RAB11FIP3: variants seen among roughly 807,000 people sequenced by gnomAD.
RAB11FIP3 encodes the protein RAB11 family interacting protein 3, also known as rab11 family-interacting protein 3.
A neutral mutation model predicts 77.8 loss-of-function variants in RAB11FIP3; 17 were observed. The ratio of observed to expected loss-of-function variants is 0.22; its 90% CI spans 0.15 to 0.33. The LOEUF (loss-of-function observed/expected upper bound fraction) is 0.33, where lower values mean the gene tolerates loss of function less well. Among genes scored for constraint, RAB11FIP3 ranks in the 10% least tolerant of loss-of-function variants. The pLI is 1.00. For missense variants in RAB11FIP3, 1,005 were observed against 1,011.2 expected (o/e 0.99, Z 0.08); for synonymous variants, 437 against 448.2 (o/e 0.98, Z 0.31).
In RAB11FIP3 at chr16:461,609, C is replaced by T. The variant is rs1008837358; in HGVS notation, c.808+112C>T. On this transcript the variant is annotated intron_variant, in intron 2 of 13. Transcript: ENST00000262305. The surrounding 1 kb of genome is among the most constrained non-coding windows in gnomAD (Gnocchi z 4.5). Reference sequence around the variant, plus strand: ...GCTGACTCTAACATCTTTCCTTCTCCTTGAAGCCCCCAACATACCCCAGGT... The same window carrying T: ...GCTGACTCTAACATCTTTCCTTCTCTTTGAAGCCCCCAACATACCCCAGGT... 1.2e-6 allele frequency: 1 copy of T among 845,508 alleles called. No homozygotes were observed. Among genetic ancestry groups the T allele is most frequent in the Non-Finnish European group, 1.9e-6 (1 of 530,134 alleles). 52.4% of individuals were successfully genotyped at this position (845,508 alleles called of 1,614,324 possible).
chr16:508,705 G>A (rs867084935), intron 8 of RAB11FIP3, among the ~76,000 whole-genome samples: 7 of 152,122 alleles, frequency 4.6e-5, no homozygotes, highest in African/African-American at 1.4e-4. Flanking sequence ...TGGAAAACGC[G>A]TCCTTTCGCT....
chr16:476,064 C>T (rs1397257341), intron 3 of RAB11FIP3, among the ~76,000 whole-genome samples: 1 of 152,154 alleles, frequency 6.6e-6, no homozygotes, highest in East Asian at 1.9e-4. Context: ...CCATATTGGC[C>T]AGGCTGGTCT....
At chr16:490,528 G>A (rs761168249) in intron 5 of RAB11FIP3, among the ~76,000 whole-genome samples, 30 of 152,082 alleles carry the variant, frequency 2.0e-4, no homozygotes, top group Non-Finnish European at 4.1e-4. Context: ...TTGTAGAGAC[G>A]GGTTCACCAT....
intron 9 of RAB11FIP3, among the ~76,000 whole-genome samples, chr16:513,896 C>T (rs1430712751): frequency 6.6e-6 from 1 of 152,198 alleles, no homozygotes; most frequent in Non-Finnish European, 1.5e-5. Flanking sequence ...GGCCTTGGCA[C>T]AGTGCAGTTG....
In RAB11FIP3 at chr16:461,667, TCTC is replaced by T. The variant is rs2055608620; in HGVS notation, c.808+174_808+176del. Among the ~76,000 whole-genome samples the T allele has an allele frequency of 1.3e-5, 2 of 152,036 alleles. No individual in the cohort carries two copies. Among genetic ancestry groups the T allele is most frequent in the Admixed American group, 1.3e-4 (2 of 15,240 alleles). Reference sequence around the variant, plus strand: ...TGGTCTCTTTCCTTTCTTGTTACCTTCTCCTCACATACCCTGTTTTCCAGAATT... The same window carrying T: ...TGGTCTCTTTCCTTTCTTGTTACCTTCTCACATACCCTGTTTTCCAGAATT... On this transcript the variant is annotated intron_variant, in intron 2 of 13. Transcript: ENST00000262305. The surrounding 1 kb of genome is among the most constrained non-coding windows in gnomAD (Gnocchi z 4.5).
chr16:426,160 T>C lies in RAB11FIP3; in HGVS notation c.154T>C (p.Ser52Pro). The C allele has an allele frequency of 9.9e-7, 1 of 1,013,536 alleles. No homozygotes were observed. Among genetic ancestry groups the C allele is most frequent in the African/African-American group, 1.8e-5 (1 of 56,912 alleles). The allele number at this position is 1,013,536 out of a possible 1,614,324, so 62.8% of individuals were successfully genotyped here. The change falls in exon 1 of 14, where the codon TCC (serine) becomes CCC (proline). Residue 52 changes from serine to proline, a missense_variant. Physicochemically the swap from Ser to Pro is moderately conservative, Grantham distance 74 (BLOSUM62 -1). Around this residue, in one of 4 missense-constraint regions of RAB11FIP3, gnomAD observed 466 missense variants for 408.3 expected, o/e 1.14. Transcript: ENST00000262305. This position sits in a 1 kb window ranked among gnomAD's most constrained non-coding sequence, Gnocchi z 5.0. ...GCCCGTCGGCGGCCCCGACCCGCAG[T>C]CCCCGGGCCTGGATGAGCCTGCGCC... ...GAPVGGPDPQ[S>P]PGLDEPAPGA...
chr16:471,580 C>T lies in RAB11FIP3; in HGVS notation c.903+191C>T, dbSNP rs1022162918. 1.3e-5 allele frequency among the ~76,000 whole-genome samples: 2 copies of T among 152,200 alleles called. No homozygotes were observed. Among genetic ancestry groups the T allele is most frequent in the Non-Finnish European group, 2.9e-5 (2 of 68,030 alleles). On this transcript the variant is annotated intron_variant, in intron 3 of 13. Coordinates refer to ENST00000262305, the MANE Select transcript of RAB11FIP3 (RefSeq NM_014700.4). This position sits in a 1 kb window ranked among gnomAD's most constrained non-coding sequence, Gnocchi z 4.4. Reference sequence around the variant, plus strand: ...GGCCCACAGTTGTCTGTCCCACACGCCCTGTCAGCCTGGGCAGGAATCCTC... The same window carrying T: ...GGCCCACAGTTGTCTGTCCCACACGTCCTGTCAGCCTGGGCAGGAATCCTC...
intron 9 of RAB11FIP3, among the ~76,000 whole-genome samples, chr16:518,502 G>A (rs57926395): frequency 0.089 from 13,464 of 151,946 alleles, 840 homozygotes; most frequent in African/African-American, 0.16. Context: ...TGAGGCAAGC[G>A]GATCATGAGG....
At chr16:495,046 TGCAGCGA>T (rs2030992895) in intron 5 of RAB11FIP3, among the ~76,000 whole-genome samples, 4 of 152,138 alleles carry the variant, frequency 2.6e-5, no homozygotes, top group African/African-American at 4.8e-5. Context: ...AGGTCGAGGC[TGCAGCGA>T]GCTGTGGTTG....
At chr16:481,832 G>T (rs2056047874) in intron 3 of RAB11FIP3, among the ~76,000 whole-genome samples, 3 of 69,580 alleles carry the variant, frequency 4.3e-5, no homozygotes, top group African/African-American at 1.4e-4. Context: ...CTACAGGCAG[G>T]TGCCACCACA....
chr16:473,738 C>A (rs900555102), intron 3 of RAB11FIP3, among the ~76,000 whole-genome samples: 2 of 152,120 alleles, frequency 1.3e-5, no homozygotes, highest in African/African-American at 4.8e-5. Flanking sequence ...CCGCACCCAG[C>A]CTGATATGTT....
chr16:498,610 C>G (rs2031308312), intron 6 of RAB11FIP3, among the ~76,000 whole-genome samples: 2 of 152,172 alleles, frequency 1.3e-5, no homozygotes, highest in South Asian at 4.1e-4. Flanking sequence ...CCCAGACCTC[C>G]CAAGCTCAAA....
At chr16:465,198 A>G (rs899305060) in intron 2 of RAB11FIP3, among the ~76,000 whole-genome samples, 2 of 152,108 alleles carry the variant, frequency 1.3e-5, no homozygotes, top group Admixed American at 1.3e-4. Flanking sequence ...TCTTAAGTCA[A>G]GAATTACTGG....
chr16:522,024 C>CGT lies in RAB11FIP3; in HGVS notation c.*1193_*1194dup, dbSNP rs993344312. 1.3e-5 allele frequency: 2 copies of CGT among 150,670 alleles called. No individual in the cohort carries two copies. Among genetic ancestry groups the CGT allele is most frequent in the East Asian group, 2.0e-4 (1 of 5,010 alleles). 9.3% of individuals were successfully genotyped at this position (150,670 alleles called of 1,614,324 possible). ...CATCACCAAGACTGGCCACCCGCTGCGTGTGTGTGCGCGCGCGTGTACGTG... is the reference window on the plus strand; with the variant it reads ...CATCACCAAGACTGGCCACCCGCTGCGTGTGTGTGTGCGCGCGCGTGTACGTG... On this transcript the variant is annotated 3_prime_UTR_variant, in exon 14 of 14. Transcript: ENST00000262305.
At chr16:467,784 T>A (rs368555311) in intron 2 of RAB11FIP3, among the ~76,000 whole-genome samples, 8 of 19,688 alleles carry the variant, frequency 4.1e-4, no homozygotes, top group East Asian at 1.4e-3. Context: ...GAGGAGGTGC[T>A]GGGGCCTCAG....
rs556748828 is a variant in RAB11FIP3 at position 425,729 on chromosome 16, C to T, written c.-278C>T. The stretch of plus-strand genomic sequence containing the variant: ...GGCCCCCGTCCCCCGGCCTCCTCGG[C>T]CCCCGTCCCCCGCCATCCGCCGCCC... On this transcript the variant is annotated 5_prime_UTR_variant, in exon 1 of 14. Coordinates refer to ENST00000262305, the MANE Select transcript of RAB11FIP3 (RefSeq NM_014700.4). 1,126 of 321,076 alleles carry T rather than the reference C, an allele frequency of 3.5e-3. 11 individuals carry two copies. Among genetic ancestry groups the T allele is most frequent in the African/African-American group, 0.023 (1,047 of 45,354 alleles). The allele number at this position is 321,076 out of a possible 1,614,324, so 19.9% of individuals were successfully genotyped here.
In RAB11FIP3 at chr16:505,893, C is replaced by G. The variant is rs186140166; in HGVS notation, c.1499+266C>G. ...GAGGGCACTGCCTCCCTCTCGGGAG[C>G]GCTGAGACCTGACCCACACAGAGGA... On this transcript the variant is annotated intron_variant, in intron 8 of 13. Coordinates refer to ENST00000262305, the MANE Select transcript of RAB11FIP3 (RefSeq NM_014700.4). The surrounding 1 kb of genome is among the most constrained non-coding windows in gnomAD (Gnocchi z 4.0). Among the ~76,000 whole-genome samples the G allele has an allele frequency of 6.6e-6, 1 of 152,160 alleles. No homozygotes were observed. The highest frequency in any genetic ancestry group is 1.5e-5 in the Non-Finnish European group (1 of 68,030).
intron 1 of RAB11FIP3, among the ~76,000 whole-genome samples, chr16:456,908 C>T (rs1174122919): frequency 6.6e-6 from 1 of 151,932 alleles, no homozygotes; most frequent in Non-Finnish European, 1.5e-5. Context: ...GCAGGTGAGC[C>T]GCAGGCTTCA....
At chr16:492,855 G>A (rs2030710335) in intron 5 of RAB11FIP3, among the ~76,000 whole-genome samples, 1 of 152,172 alleles carries the variant, frequency 6.6e-6, no homozygotes, top group Admixed American at 6.5e-5. Flanking sequence ...GCCTCTGCTG[G>A]GCTTTGTGGG....
Sources: gnomAD v4.1 joint callset for allele counts (sites outside exome capture counted in the v4.1 genomes callset) on GRCh38, gnomAD v4.1.1 for gene constraint, gnomAD v4.1.1 regional missense constraint, Gnocchi (gnomAD v3.1) non-coding constraint, MANE v1.5 for transcripts, NCBI Gene and HGNC (gene_info 2026-07-23, HGNC 2026-07-21) for gene names.